The following TBC1D14 variants were observed in gnomAD, a reference collection of about 807,000 sequenced individuals.
The protein encoded by TBC1D14 is TBC1 domain family member 14.
Under a neutral mutation model 79.0 loss-of-function variants are expected in TBC1D14, and 26 were observed. That is an observed-to-expected ratio of 0.33 (90% CI 0.24 to 0.46). The LOEUF is 0.46. Among genes scored for constraint, TBC1D14 ranks in the 20% least tolerant of loss-of-function variants. The pLI, the probability that TBC1D14 is intolerant of heterozygous loss-of-function variation, is 1.00. For synonymous variants in TBC1D14, 394 were observed against 349.9 expected (o/e 1.13, Z -1.40); for missense variants, 769 against 887.6 (o/e 0.87, Z 1.70).
At chr4:7,003,217 G>A (rs1019703449) in intron 7 of TBC1D14, among the ~76,000 whole-genome samples, 1 of 152,216 alleles carries the variant, frequency 6.6e-6, no homozygotes, top group Non-Finnish European at 1.5e-5. Context: ...AGAAAGCCAT[G>A]GGGGAGACTT....
At chr4:6,962,308 A>G (rs1020870456) in intron 2 of TBC1D14, among the ~76,000 whole-genome samples, 2 of 151,794 alleles carry the variant, frequency 1.3e-5, no homozygotes, top group Admixed American at 1.3e-4. Flanking sequence ...CTCTCAGGGA[A>G]CCCCGCTGCG....
chr4:7,002,002 G>T (rs1423642455), intron 7 of TBC1D14, among the ~76,000 whole-genome samples: 1 of 152,184 alleles, frequency 6.6e-6, no homozygotes, highest in Non-Finnish European at 1.5e-5. Flanking sequence ...TGATGATGTG[G>T]TTTTTATGCT....
chr4:7,005,613 C>T (rs779837246), intron 8 of TBC1D14, among the ~76,000 whole-genome samples: 1 of 152,066 alleles, frequency 6.6e-6, no homozygotes, highest in East Asian at 1.9e-4. Context: ...GAAGGAGAAT[C>T]GCTTAAACCC....
chr4:6,939,881 CT>C (rs1490507644), intron 2 of TBC1D14, among the ~76,000 whole-genome samples: 1 of 152,194 alleles, frequency 6.6e-6, no homozygotes, highest in Admixed American at 6.5e-5. Flanking sequence ...GAAGCGTGTT[CT>C]TCCGAAGGAC....
At chr4:6,936,811 G>A (rs1712378323) in intron 2 of TBC1D14, among the ~76,000 whole-genome samples, 2 of 152,186 alleles carry the variant, frequency 1.3e-5, no homozygotes, top group African/African-American at 2.4e-5. Context: ...GGAAGTTCTT[G>A]TTCGATTGCT....
chr4:6,936,285 C>A (rs976813414), intron 2 of TBC1D14, among the ~76,000 whole-genome samples: 2 of 152,224 alleles, frequency 1.3e-5, no homozygotes, highest in Non-Finnish European at 2.9e-5. Context: ...TTCACTGCCC[C>A]CAAATCCTCT....
At chr4:7,025,352 A>C in intron 13 of TBC1D14, 90 bp downstream of exon 13, 1 of 1,552,442 alleles carries the variant, frequency 6.4e-7, no homozygotes, top group South Asian at 1.2e-5. Context: ...CTGTCTGAGG[A>C]CGTAGCCCCT....
Position 7,031,167 on chromosome 4 carries a change from AAC to A in TBC1D14, c.*779_*780del, listed in dbSNP as rs1477320263. ...TAGAGATAGGCTTAAAAGCGGAGAG[AAC>A]ACAGAGTGGAATCAGCCCCCTGTAA... On this transcript the variant is annotated 3_prime_UTR_variant, in exon 14 of 14. Transcript: ENST00000409757. 2.0e-5 allele frequency: 3 copies of A among 152,368 alleles called. No homozygotes were observed. The highest frequency in any genetic ancestry group is 7.2e-5 in the African/African-American group (3 of 41,468). 9.4% of individuals were successfully genotyped at this position (152,368 alleles called of 1,614,324 possible). A position where few individuals can be genotyped will look rare whatever the true frequency, so the allele number is the denominator to read the frequency against.
At chr4:6,986,111 C>T (rs909389469) in intron 3 of TBC1D14, among the ~76,000 whole-genome samples, 3 of 152,176 alleles carry the variant, frequency 2.0e-5, no homozygotes, top group Non-Finnish European at 2.9e-5. Flanking sequence ...AGAGATTTAC[C>T]TTTTTAAGAA....
intron 2 of TBC1D14, among the ~76,000 whole-genome samples, chr4:6,966,049 C>A (rs750240281): frequency 6.6e-6 from 1 of 152,184 alleles, no homozygotes; most frequent in Admixed American, 6.5e-5. Context: ...TCCTCCTCCT[C>A]CATTAATTTC....
At chr4:6,978,837 C>G (rs1479448116) in intron 3 of TBC1D14, among the ~76,000 whole-genome samples, 1 of 151,320 alleles carries the variant, frequency 6.6e-6, no homozygotes, top group Non-Finnish European at 1.5e-5. Context: ...GGTTCTTATT[C>G]CTATTGAGAT....
rs772949671 is a variant in TBC1D14 at position 6,923,747 on chromosome 4, C to T, written c.358C>T (p.Arg120Trp). 47 of 1,613,888 alleles carry T rather than the reference C, an allele frequency of 2.9e-5. No homozygotes were observed. The highest frequency in any genetic ancestry group is 1.2e-4 in the Admixed American group (7 of 60,010). Residue 120 changes from arginine to tryptophan, a missense_variant, in exon 2 of 14, where the codon CGG (arginine) becomes TGG (tryptophan). Around this residue, in one of 2 missense-constraint regions of TBC1D14, gnomAD observed 402 missense variants for 393.2 expected, o/e 1.02. Coordinates refer to ENST00000409757, the MANE Select transcript of TBC1D14 (RefSeq NM_020773.3). ...CAPPAPSSTE[R>W]EQSVRKSSTF... The stretch of plus-strand genomic sequence containing the variant: ...GCCACCAGCTCCTAGCAGCACCGAG[C>T]GGGAACAGAGCGTGCGCAAATCCTC...
At chr4:7,007,913 C>T (rs1720369564) in intron 9 of TBC1D14, among the ~76,000 whole-genome samples, 1 of 152,224 alleles carries the variant, frequency 6.6e-6, no homozygotes, top group Non-Finnish European at 1.5e-5. Flanking sequence ...CCTCACCAGG[C>T]TCTCAGAGGG....
At chr4:6,927,517 T>C (rs991271906) in intron 2 of TBC1D14, among the ~76,000 whole-genome samples, 1 of 152,210 alleles carries the variant, frequency 6.6e-6, no homozygotes, top group Non-Finnish European at 1.5e-5. Flanking sequence ...ACAGAAACAT[T>C]ATCATTTCTA....
At chr4:6,948,707 G>GTTTT (rs71173474) in intron 2 of TBC1D14, among the ~76,000 whole-genome samples, 7 of 135,400 alleles carry the variant, frequency 5.2e-5, no homozygotes, top group Admixed American at 7.4e-5. Context: ...GGGGTACTTG[G>GTTTT]TTTTTTTTTT....
At chr4:7,029,077 T>C (rs1331972987) in intron 13 of TBC1D14, among the ~76,000 whole-genome samples, 1 of 151,146 alleles carries the variant, frequency 6.6e-6, no homozygotes, top group Non-Finnish European at 1.5e-5. Context: ...TGGGCCCAAG[T>C]GATCTTCCTC....
intron 9 of TBC1D14, 91 bp downstream of exon 9, chr4:7,006,817 T>G (rs1720240694): frequency 1.5e-6 from 2 of 1,299,660 alleles, no homozygotes; most frequent in Non-Finnish European, 2.2e-6. Context: ...GTTTGAAAGG[T>G]ACTTGGGTTT....
At chr4:6,931,736 T>G (rs1285302164) in intron 2 of TBC1D14, among the ~76,000 whole-genome samples, 2 of 152,042 alleles carry the variant, frequency 1.3e-5, no homozygotes, top group Non-Finnish European at 1.5e-5. Flanking sequence ...TACCAAGCAC[T>G]GTGCTAGGTT....
chr4:6,910,301 G>A (rs1170842991), intron 1 of TBC1D14: 1 of 152,324 alleles, frequency 6.6e-6, no homozygotes, highest in African/African-American at 2.4e-5. Context: ...AGGCGCCTCG[G>A]TGCGCCAGAC....
Sources: gnomAD v4.1 joint callset for allele counts (sites outside exome capture counted in the v4.1 genomes callset) on GRCh38, gnomAD v4.1.1 for gene constraint, gnomAD v4.1.1 regional missense constraint, MANE v1.5 for transcripts, NCBI Gene and HGNC (gene_info 2026-07-23, HGNC 2026-07-21) for gene names.